FZR1: variants seen among roughly 807,000 people sequenced by gnomAD.
The protein encoded by FZR1 is fizzy and cell division cycle 20 related 1, also known as fizzy-related protein homolog.
A neutral mutation model predicts 63.6 loss-of-function variants in FZR1; 11 were observed. The ratio of observed to expected loss-of-function variants is 0.17; its 90% CI spans 0.11 to 0.29. FZR1 has a LOEUF of 0.29. Among genes scored for constraint, FZR1 ranks in the 10% least tolerant of loss-of-function variants. The pLI is 1.00. For missense variants in FZR1, 440 were observed against 687.5 expected (o/e 0.64, Z 4.03); for synonymous variants, 328 against 297.9 (o/e 1.10, Z -1.04).
chr19:3,507,277 C>T (rs1267767288), intron 1 of FZR1, among the ~76,000 whole-genome samples: 1 of 151,750 alleles, frequency 6.6e-6, no homozygotes, highest in African/African-American at 2.4e-5. Context: ...CGTCCTGCCC[C>T]GTGTCTTCTC....
rs762237038 is a variant in FZR1 at position 3,534,506 on chromosome 19, C to T, written c.1433C>T (p.Ser478Leu). Reference sequence around the variant, plus strand: ...TGGAACGTCTTTAGCAAAACCCGTTCGACAAAGGTAAAGTGGGTCGGTATC... The same window carrying T: ...TGGAACGTCTTTAGCAAAACCCGTTTGACAAAGGTAAAGTGGGTCGGTATC... ...RFWNVFSKTR[S>L]TKESVSVLNL... Residue 478 changes from serine to leucine, a missense_variant, in exon 13 of 14, where the codon TCG becomes TTG. Physicochemically the swap from Ser to Leu is moderately radical, Grantham distance 145. This residue lies in a region of FZR1 where 28 missense variants were observed against 26.3 expected (regional missense o/e 1.06). Transcript: ENST00000441788. 17 of 1,603,058 alleles carry T rather than the reference C, an allele frequency of 1.1e-5. No homozygotes were observed. The Admixed American group carries it at 1.4e-4, about 13-fold the overall frequency.
At position 3,525,085 on chromosome 19, in the gene FZR1, A is replaced by ATGGGGATGAGGGC. The variant is rs2083139650; in HGVS notation, c.70-782_70-770dup. Among the ~76,000 whole-genome samples, 1 of 152,012 alleles carries ATGGGGATGAGGGC rather than the reference A, an allele frequency of 6.6e-6. No homozygotes were observed. Among genetic ancestry groups the ATGGGGATGAGGGC allele is most frequent in the Non-Finnish European group, 1.5e-5 (1 of 67,986 alleles). On this transcript the variant is annotated intron_variant, in intron 2 of 13. Transcript: ENST00000441788. This position sits in a 1 kb window ranked among gnomAD's most constrained non-coding sequence, Gnocchi z 4.2. ...AGACGGGTGTTGTGGGCAGCAGGAG[A>ATGGGGATGAGGGC]TGGGGATGAGGGCCACACTCCCAGG...
intron 1 of FZR1, among the ~76,000 whole-genome samples, chr19:3,509,347 C>T (rs1388037107): frequency 6.6e-6 from 1 of 152,242 alleles, no homozygotes; most frequent in Non-Finnish European, 1.5e-5. Flanking sequence ...CCACTGACCA[C>T]GAATGACACA....
intron 1 of FZR1, among the ~76,000 whole-genome samples, chr19:3,517,518 C>G (rs2083067320): frequency 6.6e-6 from 1 of 152,166 alleles, no homozygotes; most frequent in South Asian, 2.1e-4. Context: ...GAAACCCCCT[C>G]TCTACTAAAA....
intron 9 of FZR1, 34 bp downstream of exon 9, chr19:3,531,850 CCT>C (rs2122016623): frequency 6.5e-7 from 1 of 1,550,380 alleles, no homozygotes; most frequent in South Asian, 1.2e-5. Flanking sequence ...TGGTGAGCTC[CCT>C]GAGGCCCCAG....
intron 6 of FZR1, 50 bp downstream of exon 6, chr19:3,527,112 G>T (rs10420193): frequency 0.14 from 192,888 of 1,408,102 alleles, 14,238 homozygotes; most frequent in South Asian, 0.2. Context: ...TCTCCCGTCA[G>T]CAGCAAGAGG....
chr19:3,530,652 CTG>C (rs879030559), intron 7 of FZR1, 138 bp from the exon 8 acceptor site: 2 of 629,400 alleles, frequency 3.2e-6, no homozygotes, highest in South Asian at 1.9e-5. Context: ...GTGGATGGGA[CTG>C]TGGATGGGAG....
At chr19:3,523,403 T>C (rs570289963) in intron 2 of FZR1, among the ~76,000 whole-genome samples, 2 of 152,254 alleles carry the variant, frequency 1.3e-5, no homozygotes, top group Admixed American at 1.3e-4. Context: ...CCTGTGGGAT[T>C]TGGGGGGCCC....
At chr19:3,521,053 TG>T (rs370018420) in intron 1 of FZR1, among the ~76,000 whole-genome samples, 18 of 152,346 alleles carry the variant, frequency 1.2e-4, no homozygotes, top group African/African-American at 4.3e-4. Context: ...GCTCCTTTCA[TG>T]GCTGGGTCGT....
intron 1 of FZR1, among the ~76,000 whole-genome samples, chr19:3,507,150 C>T (rs1195991029): frequency 2.0e-5 from 3 of 151,252 alleles, no homozygotes; most frequent in African/African-American, 7.3e-5. Context: ...CTCCCCCACC[C>T]TCCCAGCGTG....
Position 3,531,702 on chromosome 19 carries a change from C to G in FZR1, c.721-12C>G. 1 of 1,540,322 alleles carries G rather than the reference C, an allele frequency of 6.5e-7. No homozygotes were observed. The highest frequency in any genetic ancestry group is 8.8e-7 in the Non-Finnish European group (1 of 1,138,418). ...CCTGACACCGGTGCTCTGCCCATGC[C>G]TTCCATCCTAGGGGAACCTGGTGGC... On this transcript the variant is annotated splice_polypyrimidine_tract_variant and intron_variant, in intron 8 of 13. Coordinates refer to ENST00000441788, the MANE Select transcript of FZR1 (RefSeq NM_016263.4).
rs1472596606 is a variant in FZR1 at position 3,534,832 on chromosome 19, G to A, written c.1478G>A (p.Arg493Gln). The A allele has an allele frequency of 1.9e-6, 3 of 1,612,434 alleles. No individual in the cohort carries two copies. Among genetic ancestry groups the A allele is most frequent in the Non-Finnish European group, 2.5e-6 (3 of 1,179,436 alleles). Reference protein sequence around the residue: ...VSVLNLFTRIR With the variant: ...VSVLNLFTRIQ ...GTGCTCAACCTCTTCACCAGGATCC[G>A]GTAAACCTGCCGGGCAGGACCGTGC... The change falls in exon 14 of 14, where the codon CGG becomes CAG. Residue 493 changes from arginine to glutamine, a missense_variant. By Grantham distance (43) the Arg-to-Gln change is conservative. Coordinates refer to ENST00000441788, the MANE Select transcript of FZR1 (RefSeq NM_016263.4).
intron 7 of FZR1, among the ~76,000 whole-genome samples, chr19:3,529,556 T>G (rs1420210172): frequency 7.3e-4 from 44 of 60,130 alleles, no homozygotes; most frequent in Non-Finnish European, 8.9e-4. Context: ...GAGTGGCTGG[T>G]TGAGTGGATG....
At chr19:3,507,587 C>A (rs557352858) in intron 1 of FZR1, among the ~76,000 whole-genome samples, 1 of 152,288 alleles carries the variant, frequency 6.6e-6, no homozygotes, top group East Asian at 1.9e-4. Context: ...GTGGTGAGGC[C>A]CCCACCCCAA....
At chr19:3,529,661 GGT>G (rs2083211061) in intron 7 of FZR1, among the ~76,000 whole-genome samples, 1 of 143,092 alleles carries the variant, frequency 7.0e-6, no homozygotes, top group African/African-American at 2.7e-5. Flanking sequence ...AGAGCGGATG[GGT>G]GAGTGGATGA....
chr19:3,512,701 C>T (rs896440186), intron 1 of FZR1, among the ~76,000 whole-genome samples: 2 of 152,134 alleles, frequency 1.3e-5, no homozygotes. Flanking sequence ...TCTGACAAGG[C>T]CATCTATGCA....
rs780311539 is a variant in FZR1 at position 3,531,918 on chromosome 19, G to A, written c.831G>A (p.Leu277=). Reference sequence around the variant, plus strand: ...CTTCCACCTGGCCTCCAGGGGCGCTGGCCTGGAATGCTGAGCAGCTGTCGT... The same window carrying A: ...CTTCCACCTGGCCTCCAGGGGCGCTAGCCTGGAATGCTGAGCAGCTGTCGT... The part of the protein sequence containing the change: ...LEGHTARVGA[L]AWNAEQLSSG... The change falls in exon 10 of 14, where the codon CTG becomes CTA. Residue 277 remains leucine, a synonymous_variant. Coordinates refer to ENST00000441788, the MANE Select transcript of FZR1 (RefSeq NM_016263.4). The A allele has an allele frequency of 7.5e-6, 12 of 1,595,876 alleles. No individual in the cohort carries two copies. Among genetic ancestry groups the A allele is most frequent in the Non-Finnish European group, 9.4e-6 (11 of 1,173,936 alleles).
rs753765691 is a variant in FZR1, at chr19:3,534,798, T to G, written c.1444T>G (p.Ser482Ala). The G allele has an allele frequency of 6.2e-7, 1 of 1,612,336 alleles. No homozygotes were observed. Among genetic ancestry groups the G allele is most frequent in the Non-Finnish European group, 8.5e-7 (1 of 1,179,534 alleles). Residue 482 changes from serine (S) to alanine (A), a missense_variant, in exon 14 of 14, where the codon TCT becomes GCT. By Grantham distance (99) the Ser-to-Ala change is moderately conservative. Coordinates refer to ENST00000441788, the MANE Select transcript of FZR1 (RefSeq NM_016263.4). ...VFSKTRSTKE[S>A]VSVLNLFTRI... is the part of the protein sequence containing the mutation. The stretch of plus-strand genomic sequence containing the variant: ...TGCCATCCCCATGTGTCTGCAGGAG[T>G]CTGTGTCTGTGCTCAACCTCTTCAC...
intron 1 of FZR1, among the ~76,000 whole-genome samples, chr19:3,509,401 T>A (rs2083008721): frequency 6.6e-6 from 1 of 152,258 alleles, no homozygotes; most frequent in Admixed American, 6.5e-5. Flanking sequence ...CTTGGCTTCC[T>A]ACTCCGTCTG....
Sources: allele counts gnomAD v4.1 joint callset (sites outside exome capture counted in the v4.1 genomes callset), GRCh38; gene constraint gnomAD v4.1.1; regional missense constraint gnomAD v4.1.1; non-coding constraint Gnocchi (gnomAD v3.1); transcripts MANE v1.5; gene names NCBI Gene and HGNC (gene_info 2026-07-23, HGNC 2026-07-21).